MPDZ: variants seen among roughly 807,000 people sequenced by gnomAD.
The protein encoded by MPDZ is multiple PDZ domain protein.
In MPDZ, 234 loss-of-function variants were observed where a neutral mutation model predicts 239.1. The observed-to-expected ratio is 0.98, with a 90% CI of 0.88 to 1.09. The LOEUF is 1.09. MPDZ is among the 50% of genes least tolerant of loss of function. The pLI, the probability that MPDZ is intolerant of heterozygous loss-of-function variation, is 0.00. For synonymous variants in MPDZ, 1,048 were observed against 881.3 expected (o/e 1.19, Z -3.35); for missense variants, 3,175 against 2,510.0 (o/e 1.26, Z -5.66).
At chr9:13,236,606 T>C (rs1964113056) in intron 3 of MPDZ, among the ~76,000 whole-genome samples, 1 of 151,806 alleles carries the variant, frequency 6.6e-6, no homozygotes, top group African/African-American at 2.4e-5. Flanking sequence ...ATAAACTCGT[T>C]TTCTTCTTCT....
chr9:13,134,402 T>C (rs117175788), intron 31 of MPDZ: 1 of 152,360 alleles, frequency 6.6e-6, no homozygotes, highest in Non-Finnish European at 1.5e-5. Flanking sequence ...GAAAATATAT[T>C]ACCTTATAAC....
In MPDZ at chr9:13,186,388, T is replaced by C; in HGVS notation, c.2365-2A>G. The C allele has an allele frequency of 6.5e-7, 1 of 1,548,780 alleles. No individual in the cohort carries two copies. ...AACATAACCTTCTTCTGGTGAAAGC[T>C]GCAGGGAAAAAATGGTATTCATGGA... On this transcript the variant is annotated splice_acceptor_variant, in intron 17 of 46. Coordinates refer to ENST00000319217, the MANE Select transcript of MPDZ (RefSeq NM_001378778.1). LOFTEE classifies it high-confidence loss of function.
At position 13,193,243 on chromosome 9, in the gene MPDZ, T is replaced by C. The variant is rs778244193; in HGVS notation, c.1727A>G (p.His576Arg). 3.1e-6 allele frequency: 5 copies of C among 1,612,508 alleles called. No homozygotes were observed. In the Admixed American group the frequency reaches 6.7e-5, roughly 22 times the overall value. The change falls in exon 14 of 47, where the codon CAT becomes CGT. Residue 576 changes from histidine (H) to arginine (R), a missense_variant. By Grantham distance (29) the His-to-Arg change is conservative. Coordinates refer to ENST00000319217, the MANE Select transcript of MPDZ (RefSeq NM_001378778.1). ...GISLEATVGH[H>R]FIRSVLPEGP... ...CTCTGGTAGAACAGATCGGATAAAA[T>C]GATGTCCCACTGTCGCTTCCAGGCT...
At chr9:13,178,438 AAGCC>A (rs1952808880) in intron 19 of MPDZ, among the ~76,000 whole-genome samples, 1 of 152,168 alleles carries the variant, frequency 6.6e-6, no homozygotes, top group Non-Finnish European at 1.5e-5. Flanking sequence ...TATCAAGGAT[AAGCC>A]ATTTGTATTT....
At chr9:13,116,977 CCCCGCCAGTGGATG>C (rs986758475) in intron 39 of MPDZ, among the ~76,000 whole-genome samples, 10 of 152,064 alleles carry the variant, frequency 6.6e-5, no homozygotes, top group African/African-American at 2.4e-4. Context: ...TTCTAAGACC[CCCCGCCAGTGGATG>C]CCTGACACTA....
intron 10 of MPDZ, 78 bp from the exon 11 acceptor site, chr9:13,206,177 T>G: frequency 7.6e-7 from 1 of 1,315,240 alleles, no homozygotes; most frequent in Middle Eastern, 1.9e-4. Flanking sequence ...AAAATGTGTA[T>G]GTATAGTTGT....
Position 13,110,048 on chromosome 9 carries a change from T to C in MPDZ, c.5846A>G (p.Asp1949Gly). Reference sequence around the variant, plus strand: ...CTGATGACCTGTGACCACACTCACGTCTCCTCCAGCAACCACCTGCGCACA... The same window carrying C: ...CTGATGACCTGTGACCACACTCACGCCTCCTCCAGCAACCACCTGCGCACA... ...SIEMQVVAGG[D>G]VSVVTGHQQE... is the part of the protein sequence containing the mutation. Residue 1949 changes from aspartate (D) to glycine (G), a missense_variant, in exon 45 of 47, where the codon GAC becomes GGC. By Grantham distance (94) the Asp-to-Gly change is moderately conservative (BLOSUM62 -1). Transcript: ENST00000319217. The C allele has an allele frequency of 1.2e-6, 2 of 1,612,952 alleles. No individual in the cohort carries two copies. Among genetic ancestry groups the C allele is most frequent in the South Asian group, 1.1e-5 (1 of 90,860 alleles).
chr9:13,252,615 A>C (rs935529030), intron 1 of MPDZ, among the ~76,000 whole-genome samples: 8 of 150,038 alleles, frequency 5.3e-5, no homozygotes, highest in African/African-American at 2.0e-4. Flanking sequence ...TCATGCCTGT[A>C]ATCCCAGCAA....
Position 13,109,903 on chromosome 9 carries a change from T to C in MPDZ, c.5942+49A>G, listed in dbSNP as rs749357755. On this transcript the variant is annotated intron_variant, in intron 45 of 46. Transcript: ENST00000319217. ...CAGAGAACGCAACTGTCAGGAAGAC[T>C]TGATTCATAAGTGAAAAATGATACA... 3 of 1,454,820 alleles carry C rather than the reference T, an allele frequency of 2.1e-6. No homozygotes were observed. The South Asian group carries it at 3.6e-5, about 17-fold the overall frequency. 90.1% of individuals were successfully genotyped at this position (1,454,820 alleles called of 1,614,324 possible). A position where few individuals can be genotyped will look rare whatever the true frequency, so the allele number is the denominator to read the frequency against.
At chr9:13,171,778 T>G (rs1405147535) in intron 21 of MPDZ, among the ~76,000 whole-genome samples, 2 of 152,204 alleles carry the variant, frequency 1.3e-5, no homozygotes, top group African/African-American at 4.8e-5. Flanking sequence ...AGCTGTCATT[T>G]ATTAATAACT....
intron 12 of MPDZ, among the ~76,000 whole-genome samples, chr9:13,200,828 A>C (rs2135467314): frequency 6.6e-6 from 1 of 152,218 alleles, no homozygotes; most frequent in Admixed American, 6.6e-5. Context: ...TTTGTGACCT[A>C]ATATATGGTC....
chr9:13,193,217 C>A lies in MPDZ; in HGVS notation c.1753G>T (p.Gly585Cys). The part of the protein sequence containing the change: ...HHFIRSVLPE[G>C]PVGHSGKLFS... Reference sequence around the variant, plus strand: ...AGCTTCCCGCTGTGTCCAACAGGACCCTCTGGTAGAACAGATCGGATAAAA... The same window carrying A: ...AGCTTCCCGCTGTGTCCAACAGGACACTCTGGTAGAACAGATCGGATAAAA... The change falls in exon 14 of 47, where the codon GGT becomes TGT. Residue 585 changes from glycine to cysteine, a missense_variant. Coordinates refer to ENST00000319217, the MANE Select transcript of MPDZ (RefSeq NM_001378778.1). The A allele has an allele frequency of 6.2e-7, 1 of 1,608,746 alleles. No individual in the cohort carries two copies. Among genetic ancestry groups the A allele is most frequent in the South Asian group, 1.1e-5 (1 of 90,238 alleles).
chr9:13,238,846 T>A (rs1211214853), intron 3 of MPDZ, among the ~76,000 whole-genome samples: 1 of 152,194 alleles, frequency 6.6e-6, no homozygotes, highest in Non-Finnish European at 1.5e-5. Context: ...GCTATTAAGC[T>A]GCACATTAAA....
intron 22 of MPDZ, among the ~76,000 whole-genome samples, chr9:13,163,521 A>G (rs1030573440): frequency 1.3e-5 from 2 of 152,154 alleles, no homozygotes; most frequent in Non-Finnish European, 2.9e-5. Context: ...CTCCTGCTGT[A>G]ATGTTTAGAA....
At chr9:13,245,067 G>A (rs935792415) in intron 3 of MPDZ, among the ~76,000 whole-genome samples, 3 of 151,960 alleles carry the variant, frequency 2.0e-5, no homozygotes, top group African/African-American at 7.2e-5. Flanking sequence ...GCTAGCCATT[G>A]GTCAGATTTG....
intron 3 of MPDZ, among the ~76,000 whole-genome samples, chr9:13,227,795 C>T (rs1164208008): frequency 3.9e-5 from 6 of 152,060 alleles, no homozygotes; most frequent in Non-Finnish European, 5.9e-5. Flanking sequence ...CTGCTTCATC[C>T]CTGACCTTGA....
chr9:13,167,040 T>C (rs1320874872), intron 22 of MPDZ, among the ~76,000 whole-genome samples: 1 of 152,070 alleles, frequency 6.6e-6, no homozygotes, highest in African/African-American at 2.4e-5. Context: ...AGCATAAATG[T>C]ACATCATGGC....
At chr9:13,177,708 C>T (rs146869025) in intron 19 of MPDZ, among the ~76,000 whole-genome samples, 1 of 152,112 alleles carries the variant, frequency 6.6e-6, no homozygotes, top group Non-Finnish European at 1.5e-5. Context: ...CCTGGCTCAA[C>T]ACTAATTAAA....
chr9:13,176,446 A>C, intron 19 of MPDZ, 29 bp from the exon 20 acceptor site: 1 of 1,496,482 alleles, frequency 6.7e-7, no homozygotes, highest in Non-Finnish European at 8.9e-7. Context: ...CAACAACAAA[A>C]CATGAAAAAT....
Sources: allele counts gnomAD v4.1 joint callset (sites outside exome capture counted in the v4.1 genomes callset), GRCh38; gene constraint gnomAD v4.1.1; transcripts MANE v1.5; gene names NCBI Gene and HGNC (gene_info 2026-07-23, HGNC 2026-07-21).